The following RBFOX1 variants were observed in gnomAD, a reference collection of about 807,000 sequenced individuals.
RBFOX1 encodes RNA binding fox-1 homolog 1.
A neutral mutation model predicts 57.7 loss-of-function variants in RBFOX1; 8 were observed. That is an observed-to-expected ratio of 0.14 (90% confidence interval 0.08 to 0.25). RBFOX1 has a LOEUF of 0.25. Ranked by LOEUF, RBFOX1 falls within the 10% of genes least tolerant of loss-of-function variation. The pLI is 1.00. For missense variants in RBFOX1, 611 were observed against 548.5 expected (o/e 1.11, Z -1.14); for synonymous variants, 326 against 222.4 (o/e 1.47, Z -4.15).
chr16:5,284,074 G>T (rs939093016), intron 1 of RBFOX1, among the ~76,000 whole-genome samples: 3 of 152,004 alleles, frequency 2.0e-5, no homozygotes, highest in African/African-American at 4.8e-5. Flanking sequence ...AGTCTCGCAA[G>T]ATCTGATGGT....
chr16:5,952,996 G>A (rs896443235), intron 4 of RBFOX1, among the ~76,000 whole-genome samples: 3 of 152,036 alleles, frequency 2.0e-5, no homozygotes, highest in African/African-American at 7.2e-5. Context: ...GGAAACTTTT[G>A]GAAATACAAT....
intron 3 of RBFOX1, among the ~76,000 whole-genome samples, chr16:6,663,659 G>A (rs2098714901): frequency 6.6e-6 from 1 of 152,198 alleles, no homozygotes; most frequent in Non-Finnish European, 1.5e-5. Context: ...CCTGGGGATT[G>A]GATTTCTTTT....
At chr16:6,796,339 G>A (rs928619299) in intron 3 of RBFOX1, among the ~76,000 whole-genome samples, 2 of 152,144 alleles carry the variant, frequency 1.3e-5, no homozygotes, top group African/African-American at 2.4e-5. Context: ...CGACATGTGA[G>A]TGGGTACACA....
intron 3 of RBFOX1, among the ~76,000 whole-genome samples, chr16:6,946,133 T>A (rs74791340): frequency 0.01 from 1,572 of 152,276 alleles, 29 homozygotes; most frequent in African/African-American, 0.035. Context: ...TTTCCTTGCT[T>A]CTCAAGTGGG....
intron 4 of RBFOX1, among the ~76,000 whole-genome samples, chr16:7,123,936 C>A (rs183877749): frequency 9.9e-5 from 15 of 152,120 alleles, no homozygotes; most frequent in Non-Finnish European, 4.4e-5. Flanking sequence ...AGTGGAATCT[C>A]TAAGTTGTAT....
chr16:7,485,361 T>C (rs1213362289), intron 4 of RBFOX1, among the ~76,000 whole-genome samples: 1 of 152,252 alleles, frequency 6.6e-6, no homozygotes, highest in African/African-American at 2.4e-5. Flanking sequence ...TGGAAGACAT[T>C]TTCCCATCCT....
intron 2 of RBFOX1, among the ~76,000 whole-genome samples, chr16:6,563,647 C>A (rs113113124): frequency 6.6e-6 from 1 of 151,938 alleles, no homozygotes. Context: ...GGTTCACGAC[C>A]GTTATCAGCA....
intron 4 of RBFOX1, among the ~76,000 whole-genome samples, chr16:7,066,644 A>G (rs1351179): frequency 0.75 from 114,268 of 151,928 alleles, 43,210 homozygotes; most frequent in East Asian, 0.91. Context: ...CAATTTCCCA[A>G]AACTATAGCA....
intron 1 of RBFOX1, among the ~76,000 whole-genome samples, chr16:5,401,054 A>G (rs1567452557): frequency 1.3e-5 from 2 of 152,172 alleles, no homozygotes; most frequent in Non-Finnish European, 2.9e-5. Flanking sequence ...GATGGTTCAA[A>G]GGAGATTTTT....
intron 1 of RBFOX1, among the ~76,000 whole-genome samples, chr16:5,363,120 A>T (rs576936474): frequency 1.6e-4 from 20 of 125,140 alleles, no homozygotes; most frequent in Admixed American, 2.8e-4. Flanking sequence ...TGCAACCTCC[A>T]CCTCCTGGGT....
chr16:7,245,122 T>G (rs1161713984), intron 4 of RBFOX1, among the ~76,000 whole-genome samples: 2 of 152,220 alleles, frequency 1.3e-5, no homozygotes, highest in Non-Finnish European at 1.5e-5. Flanking sequence ...TTGTTGTTAC[T>G]TAGTCTAGAT....
intron 4 of RBFOX1, among the ~76,000 whole-genome samples, chr16:7,054,232 GCTT>G (rs2051210077): frequency 6.1e-5 from 2 of 32,698 alleles, no homozygotes; most frequent in African/African-American, 3.1e-4. Flanking sequence ...GGGGCGGGGA[GCTT>G]TTTTTTTTTT....
At chr16:5,465,138 T>C (rs1178495817) in intron 1 of RBFOX1, among the ~76,000 whole-genome samples, 1 of 152,186 alleles carries the variant, frequency 6.6e-6, no homozygotes, top group African/African-American at 2.4e-5. Flanking sequence ...AGCAAATTTA[T>C]TTCTCTCAGT....
intron 3 of RBFOX1, among the ~76,000 whole-genome samples, chr16:5,744,746 T>C (rs2052907862): frequency 6.6e-6 from 1 of 152,188 alleles, no homozygotes; most frequent in Admixed American, 6.5e-5. Context: ...GACGTGATTG[T>C]GAAGAAATTG....
At chr16:7,593,852 A>G (rs562331317) in intron 7 of RBFOX1, among the ~76,000 whole-genome samples, 5 of 152,262 alleles carry the variant, frequency 3.3e-5, no homozygotes, top group African/African-American at 9.6e-5. Flanking sequence ...ACAGCTGTCT[A>G]TAGAATCCCG....
intron 3 of RBFOX1, among the ~76,000 whole-genome samples, chr16:6,802,161 A>G (rs1038057741): frequency 1.3e-5 from 2 of 151,056 alleles, no homozygotes; most frequent in Non-Finnish European, 2.9e-5. Flanking sequence ...GCCTGGGCAC[A>G]ATTCTGGGTG....
chr16:7,707,604 C>T (rs1275417176), intron 14 of RBFOX1, among the ~76,000 whole-genome samples: 5 of 152,144 alleles, frequency 3.3e-5, no homozygotes, highest in African/African-American at 9.7e-5. Context: ...TGGTTGCTAA[C>T]AGTACAGCTG....
At chr16:6,968,688 T>C (rs560589512) in intron 3 of RBFOX1, among the ~76,000 whole-genome samples, 1 of 152,296 alleles carries the variant, frequency 6.6e-6, no homozygotes, top group South Asian at 2.1e-4. Context: ...TGGCCTCCCA[T>C]CGAGTACACA....
rs746097603 is a variant in RBFOX1 at position 6,251,614 on chromosome 16, G to GA, written c.-126-65374dup. The stretch of plus-strand genomic sequence containing the variant: ...GGGGAGAGAGAGAGAAAAAGAGAGA[G>GA]AAAAAAATGAGAATAGCAATGCCAG... On this transcript the variant is annotated intron_variant, in intron 1 of 15. Transcript: ENST00000550418. Among the ~76,000 whole-genome samples, 8 of 152,078 alleles carry GA rather than the reference G, an allele frequency of 5.3e-5. No individual in the cohort carries two copies. In the East Asian group the frequency reaches 7.8e-4, roughly 15 times the overall value.
Sources: gnomAD v4.1 joint callset for allele counts (sites outside exome capture counted in the v4.1 genomes callset) on GRCh38, gnomAD v4.1.1 for gene constraint, MANE v1.5 for transcripts, NCBI Gene and HGNC (gene_info 2026-07-23, HGNC 2026-07-21) for gene names.